The following PCDHGA6 variants were observed in gnomAD, a reference collection of about 807,000 sequenced individuals.
The protein encoded by PCDHGA6 is protocadherin gamma subfamily A, 6.
A neutral mutation model predicts 60.6 loss-of-function variants in PCDHGA6; 41 were observed. The observed-to-expected ratio is 0.68, with a 90% CI of 0.53 to 0.88. The LOEUF (loss-of-function observed/expected upper bound fraction) is 0.88. Among genes scored for constraint, PCDHGA6 ranks in the 40% least tolerant of loss-of-function variants. The probability of loss-of-function intolerance (pLI) is 0.00; values close to 1 mark genes in which losing one functional copy is unlikely to be tolerated. For missense variants in PCDHGA6, 1,312 were observed against 1,203.0 expected, an observed-to-expected ratio of 1.09 and a Z score of -1.34; for synonymous variants, 594 against 524.4, an observed-to-expected ratio of 1.13 and a Z score of -1.81.
rs1271891195 is a variant in PCDHGA6, at chr5:141,477,108, C to A, written c.2425-17699C>A. The A allele has an allele frequency of 2.5e-6, 4 of 1,614,232 alleles. No individual in the cohort carries two copies. Among genetic ancestry groups the A allele is most frequent in the Non-Finnish European group, 2.5e-6 (3 of 1,180,046 alleles). ...CAGGCCAAAGACAAGGGCGCCAATCCCGAAGGAGCACATTGCAAAGTGTTG... is the reference window on the plus strand; with the variant it reads ...CAGGCCAAAGACAAGGGCGCCAATCACGAAGGAGCACATTGCAAAGTGTTG... On this transcript the variant is annotated intron_variant, in intron 1 of 3. Coordinates refer to ENST00000517434, the MANE Select transcript of PCDHGA6 (RefSeq NM_018919.3). The surrounding 1 kb of genome is among the most constrained non-coding windows in gnomAD (Gnocchi z 4.9).
Position 141,456,470 on chromosome 5 carries a change from A to G in PCDHGA6, c.2425-38337A>G, listed in dbSNP as rs573210902. Among the ~76,000 whole-genome samples, 4 of 152,272 alleles carry G rather than the reference A, an allele frequency of 2.6e-5. No homozygotes were observed. In the East Asian group the frequency reaches 7.7e-4, roughly 29 times the overall value. On this transcript the variant is annotated intron_variant, in intron 1 of 3. Coordinates refer to ENST00000517434, the MANE Select transcript of PCDHGA6 (RefSeq NM_018919.3). ...GTCCAAATATCAATACAAGACATAT[A>G]AGCAAGAGAGTGCTTAATAAAGGGG...
At position 141,485,811 on chromosome 5, in the gene PCDHGA6, C is replaced by T; in HGVS notation, c.2425-8996C>T. 6.2e-7 allele frequency: 1 copy of T among 1,614,220 alleles called. No homozygotes were observed. The highest frequency in any genetic ancestry group is 8.5e-7 in the Non-Finnish European group (1 of 1,180,028). ...CAATCGGACTACCGCCTGGTGCTGA[C>T]TGCTGTCGATGGAGGGAACCCGCCG... On this transcript the variant is annotated intron_variant, in intron 1 of 3. Transcript: ENST00000517434. This position sits in a 1 kb window ranked among gnomAD's most constrained non-coding sequence, Gnocchi z 5.7.
Position 141,432,691 on chromosome 5 carries a change from G to A in PCDHGA6, c.2424+56184G>A, listed in dbSNP as rs1308174141. Reference sequence around the variant, plus strand: ...ACGCGCTCAAGCAGAGCCTCGTAGTGGCCGTCCAGGACCACGGCCAGCCCC... The same window carrying A: ...ACGCGCTCAAGCAGAGCCTCGTAGTAGCCGTCCAGGACCACGGCCAGCCCC... On this transcript the variant is annotated intron_variant, in intron 1 of 3. Transcript: ENST00000517434. The surrounding 1 kb of genome is among the most constrained non-coding windows in gnomAD (Gnocchi z 6.0). 1 of 1,613,942 alleles carries A rather than the reference G, an allele frequency of 6.2e-7. No individual in the cohort carries two copies. Among genetic ancestry groups the A allele is most frequent in the South Asian group, 1.1e-5 (1 of 91,068 alleles).
intron 2 of PCDHGA6, among the ~76,000 whole-genome samples, chr5:141,504,793 C>A (rs1256626821): frequency 9.9e-5 from 15 of 152,166 alleles, no homozygotes; most frequent in Admixed American, 3.9e-4. Context: ...GGGCCTCCTA[C>A]ATCTCCCCCT....
chr5:141,397,835 T>G (rs1483046343), intron 1 of PCDHGA6, among the ~76,000 whole-genome samples: 1 of 152,238 alleles, frequency 6.6e-6, no homozygotes, highest in Admixed American at 6.5e-5. Context: ...CTGGTTAACT[T>G]GAAGCCGCAG....
chr5:141,443,733 C>T (rs7723254), intron 1 of PCDHGA6, among the ~76,000 whole-genome samples: 16,856 of 152,062 alleles, frequency 0.11, 1,109 homozygotes, highest in African/African-American at 0.17. Context: ...TCATACATTT[C>T]CCTATCAGTG....
chr5:141,489,994 C>A lies in PCDHGA6; in HGVS notation c.2425-4813C>A, dbSNP rs1307285048. The A allele has an allele frequency of 1.2e-5, 19 of 1,614,192 alleles. No individual in the cohort carries two copies. The highest frequency in any genetic ancestry group is 1.6e-4 in the Middle Eastern group (1 of 6,062). On this transcript the variant is annotated intron_variant, in intron 1 of 3. Transcript: ENST00000517434. This position sits in a 1 kb window ranked among gnomAD's most constrained non-coding sequence, Gnocchi z 4.5. Reference sequence around the variant, plus strand: ...ATCCTCAGTTCTACGTGTGGGAATCCCAGAGAATGCACCCATTGGTACTCT... The same window carrying A: ...ATCCTCAGTTCTACGTGTGGGAATCACAGAGAATGCACCCATTGGTACTCT...
Position 141,375,133 on chromosome 5 carries a change from A to C in PCDHGA6, c.1050A>C (p.Thr350=). The C allele has an allele frequency of 6.2e-7, 1 of 1,613,958 alleles. No homozygotes were observed. Among genetic ancestry groups the C allele is most frequent in the South Asian group, 1.1e-5 (1 of 91,088 alleles). Residue 350 remains threonine, a synonymous_variant, in exon 1 of 4, where the codon ACA becomes ACC. Coordinates refer to ENST00000517434, the MANE Select transcript of PCDHGA6 (RefSeq NM_018919.3). ...ATAATGTACCAGAAGTGGTTGTTAC[A>C]TCTGGAAGCAGAACAATTGCTGAAA... ...VNDNVPEVVV[T]SGSRTIAESA...
intron 1 of PCDHGA6, chr5:141,408,464 A>C (rs764186219): frequency 6.2e-7 from 1 of 1,613,934 alleles, no homozygotes; most frequent in South Asian, 1.1e-5. Context: ...ACTTGTGAAG[A>C]ACCGAATAGA....
Position 141,376,351 on chromosome 5 carries a change from G to A in PCDHGA6, c.2268G>A (p.Glu756=), listed in dbSNP as rs1333788917. 4 of 1,614,178 alleles carry A rather than the reference G, an allele frequency of 2.5e-6. No individual in the cohort carries two copies. Among genetic ancestry groups the A allele is most frequent in the Non-Finnish European group, 3.4e-6 (4 of 1,180,032 alleles). ...CTTTCCTGCAGACCTATTCCCACGA[G>A]GTCTCACTCACTGCAGACTCGCGTA... The part of the protein sequence containing the change: ...VRAFLQTYSH[E]VSLTADSRKS... The change falls in exon 1 of 4, where the codon GAG becomes GAA. Residue 756 remains glutamate, a synonymous_variant. Transcript: ENST00000517434.
chr5:141,469,372 C>T (rs780872014), intron 1 of PCDHGA6, among the ~76,000 whole-genome samples: 2 of 151,990 alleles, frequency 1.3e-5, no homozygotes, highest in African/African-American at 2.4e-5. Context: ...GTAAAGAGAT[C>T]GAGACCATCC....
chr5:141,472,230 C>T (rs1274096264), intron 1 of PCDHGA6, among the ~76,000 whole-genome samples: 1 of 152,116 alleles, frequency 6.6e-6, no homozygotes, highest in Non-Finnish European at 1.5e-5. Flanking sequence ...TCATATAATA[C>T]ATTCACTTTC....
chr5:141,402,098 C>G (rs2094224797), intron 1 of PCDHGA6, among the ~76,000 whole-genome samples: 1 of 152,048 alleles, frequency 6.6e-6, no homozygotes, highest in Non-Finnish European at 1.5e-5. Context: ...AAAGTTTAAG[C>G]AATTACAAAA....
At chr5:141,388,893 G>C in intron 1 of PCDHGA6, 2 of 1,613,982 alleles carry the variant, frequency 1.2e-6, no homozygotes, top group South Asian at 2.2e-5. Flanking sequence ...AGAAGTCATA[G>C]ATGAAAATGA....
At chr5:141,381,826 C>CTTTTTTTTTTTTTTTTTTTTTTTTTT (rs770630741) in intron 1 of PCDHGA6, among the ~76,000 whole-genome samples, 2 of 74,292 alleles carry the variant, frequency 2.7e-5, no homozygotes, top group Non-Finnish European at 4.7e-5. Flanking sequence ...CTTTCTTCTT[C>CTTTTTTTTTTTTTTTTTTTTTTTTTT]TTTTTTTTTT....
At position 141,389,024 on chromosome 5, in the gene PCDHGA6, G is replaced by T. The variant is rs776063645; in HGVS notation, c.2424+12517G>T. On this transcript the variant is annotated intron_variant, in intron 1 of 3. Transcript: ENST00000517434. ...AGGATTCCAGACACAATGGAGAAGT[G>T]ACTTGTAAATTGGAAGGTGATGTTC... 4 of 1,613,948 alleles carry T rather than the reference G, an allele frequency of 2.5e-6. No homozygotes were observed. The South Asian group carries it at 4.4e-5, about 18-fold the overall frequency.
At chr5:141,421,619 C>G in intron 1 of PCDHGA6, 1 of 1,613,694 alleles carries the variant, frequency 6.2e-7, no homozygotes, top group Non-Finnish European at 8.5e-7. Flanking sequence ...AATGATAACG[C>G]CCCCAGCTTC....
chr5:141,432,610 C>T lies in PCDHGA6; in HGVS notation c.2424+56103C>T, dbSNP rs1481968343. 9.3e-6 allele frequency: 15 copies of T among 1,613,954 alleles called. No homozygotes were observed. Among genetic ancestry groups the T allele is most frequent in the Non-Finnish European group, 1.3e-5 (15 of 1,179,978 alleles). On this transcript the variant is annotated intron_variant, in intron 1 of 3. Transcript: ENST00000517434. This position sits in a 1 kb window ranked among gnomAD's most constrained non-coding sequence, Gnocchi z 6.0. The stretch of plus-strand genomic sequence containing the variant: ...TCAAGGCCAGCGAGCCGGGACTCTT[C>T]TCGGTGGGTCTGCACACGGGCGAGG...
chr5:141,421,457 C>T (rs377073702), intron 1 of PCDHGA6: 9 of 1,614,014 alleles, frequency 5.6e-6, no homozygotes, highest in African/African-American at 2.7e-5. Flanking sequence ...CAGCTTTTCG[C>T]TGTGAATCCG....
Sources: gnomAD v4.1 joint callset for allele counts (sites outside exome capture counted in the v4.1 genomes callset) on GRCh38, gnomAD v4.1.1 for gene constraint, Gnocchi (gnomAD v3.1) non-coding constraint, MANE v1.5 for transcripts, NCBI Gene and HGNC (gene_info 2026-07-23, HGNC 2026-07-21) for gene names.